CHD9: variants seen among roughly 807,000 people sequenced by gnomAD.
CHD9 encodes the protein ATP-dependent chromatin remodeler CHD9.
A neutral mutation model predicts 316.1 loss-of-function variants in CHD9; 77 were observed. The ratio of observed to expected loss-of-function variants is 0.24; its 90% CI spans 0.20 to 0.29. The LOEUF is 0.29. Ranked by LOEUF, CHD9 falls within the 10% of genes least tolerant of loss-of-function variation. CHD9 has a pLI of 1.00. For synonymous variants in CHD9, 1,129 were observed against 1,158.3 expected, an observed-to-expected ratio of 0.97 and a Z score of 0.51; for missense variants, 2,763 against 3,438.1, an observed-to-expected ratio of 0.80 and a Z score of 4.91.
chr16:53,156,505 C>T lies in CHD9; in HGVS notation c.416C>T (p.Ser139Phe). ...TATTISNQNG[S>F]PFHQQGHSHS... ...ACTACCATTTCAAATCAAAATGGAT[C>T]TCCTTTTCACCAACAAGGACATTCA... The change falls in exon 2 of 39, where the codon TCT (serine) becomes TTT (phenylalanine). Residue 139 changes from serine (S) to phenylalanine (F), a missense_variant. Coordinates refer to ENST00000447540, the MANE Select transcript of CHD9 (RefSeq NM_001308319.2). 1 of 1,613,902 alleles carries T rather than the reference C, an allele frequency of 6.2e-7. No individual in the cohort carries two copies. The highest frequency in any genetic ancestry group is 8.5e-7 in the Non-Finnish European group (1 of 1,179,820).
chr16:53,073,512 C>G (rs1387800918), intron 1 of CHD9, among the ~76,000 whole-genome samples: 1 of 152,166 alleles, frequency 6.6e-6, no homozygotes, highest in African/African-American at 2.4e-5. Flanking sequence ...AGTGGAACTG[C>G]TAGATCATAT....
intron 1 of CHD9, among the ~76,000 whole-genome samples, chr16:53,059,028 G>A (rs1321157572): frequency 6.6e-6 from 1 of 152,066 alleles, no homozygotes; most frequent in East Asian, 1.9e-4. Context: ...AATTTTTTAA[G>A]TAGGGTCTTA....
intron 2 of CHD9, among the ~76,000 whole-genome samples, chr16:53,165,520 A>T (rs1025058871): frequency 3.3e-5 from 5 of 152,186 alleles, no homozygotes; most frequent in Admixed American, 2.0e-4. Context: ...TTAGAACAAG[A>T]TGAAAATAAT....
At chr16:53,261,086 T>C (rs1195347376) in intron 19 of CHD9, among the ~76,000 whole-genome samples, 1 of 130,686 alleles carries the variant, frequency 7.7e-6, no homozygotes, top group African/African-American at 3.0e-5. Context: ...AGCTATAGTT[T>C]AGAGAAAGCA....
chr16:53,106,601 A>G (rs1203143835), intron 1 of CHD9, among the ~76,000 whole-genome samples: 1 of 152,190 alleles, frequency 6.6e-6, no homozygotes, highest in African/African-American at 2.4e-5. Flanking sequence ...GCTGAGAGGA[A>G]AAGAAAAAAG....
intron 3 of CHD9, among the ~76,000 whole-genome samples, chr16:53,214,047 G>A (rs1403812764): frequency 6.6e-6 from 1 of 152,122 alleles, no homozygotes; most frequent in Non-Finnish European, 1.5e-5. Flanking sequence ...GTCATGTTAT[G>A]AAGAAAAACA....
intron 1 of CHD9, among the ~76,000 whole-genome samples, chr16:53,057,220 T>C (rs959409645): frequency 3.9e-5 from 6 of 152,120 alleles, no homozygotes; most frequent in African/African-American, 1.4e-4. Flanking sequence ...CTCACACCTG[T>C]AATCCCAGCA....
At chr16:53,200,635 A>C (rs2045375762) in intron 2 of CHD9, among the ~76,000 whole-genome samples, 2 of 152,226 alleles carry the variant, frequency 1.3e-5, no homozygotes, top group African/African-American at 4.8e-5. Context: ...GGCAAATACC[A>C]CAGTAATGAT....
chr16:53,280,170 G>C (rs970350907), intron 24 of CHD9, among the ~76,000 whole-genome samples: 1 of 152,058 alleles, frequency 6.6e-6, no homozygotes, highest in Non-Finnish European at 1.5e-5. Flanking sequence ...CCCACTACTG[G>C]GTATTTACCC....
intron 2 of CHD9, among the ~76,000 whole-genome samples, chr16:53,202,519 G>A (rs1489183372): frequency 2.6e-5 from 4 of 151,608 alleles, no homozygotes. Context: ...TTGTCCTATG[G>A]AGTTTCCTAC....
At chr16:53,217,184 A>G (rs182780651) in intron 3 of CHD9, among the ~76,000 whole-genome samples, 1 of 152,214 alleles carries the variant, frequency 6.6e-6, no homozygotes, top group African/African-American at 2.4e-5. Context: ...TTTTTGTAAC[A>G]TACTGGCCAG....
intron 1 of CHD9, among the ~76,000 whole-genome samples, chr16:53,100,167 C>A (rs1265028687): frequency 6.6e-6 from 1 of 152,188 alleles, no homozygotes; most frequent in Non-Finnish European, 1.5e-5. Context: ...CTACATGACT[C>A]ACCCGGAGAA....
intron 1 of CHD9, among the ~76,000 whole-genome samples, chr16:53,139,081 G>A (rs2039915750): frequency 6.6e-6 from 1 of 152,052 alleles, no homozygotes; most frequent in African/African-American, 2.4e-5. Flanking sequence ...AAAGAGCCAT[G>A]TTTTCTTCTC....
intron 10 of CHD9, 143 bp downstream of exon 10, chr16:53,231,927 G>A (rs1217916364): frequency 1.3e-6 from 1 of 746,544 alleles, no homozygotes; most frequent in Non-Finnish European, 2.1e-6. Flanking sequence ...GGGAGCCAAA[G>A]CTTAAGAGGG....
chr16:53,308,609 TAAA>T (rs933914879), intron 33 of CHD9, 74 bp from the exon 34 acceptor site: 4 of 1,043,538 alleles, frequency 3.8e-6, no homozygotes, highest in Non-Finnish European at 5.7e-6. Flanking sequence ...TTTTCCTCAG[TAAA>T]AAAATTCTCT....
intron 1 of CHD9, among the ~76,000 whole-genome samples, chr16:53,108,347 C>G: frequency 7.6e-6 from 1 of 131,572 alleles, no homozygotes; most frequent in Non-Finnish European, 1.8e-5. Flanking sequence ...ACAAAAAATA[C>G]AAAAAAATTT....
chr16:53,275,206 T>C (rs189874804), intron 24 of CHD9, among the ~76,000 whole-genome samples: 1 of 152,118 alleles, frequency 6.6e-6, no homozygotes, highest in East Asian at 2.0e-4. Flanking sequence ...TTTTGTATTT[T>C]TAGTAGAGAC....
intron 1 of CHD9, among the ~76,000 whole-genome samples, chr16:53,079,804 G>A (rs2034861787): frequency 6.6e-6 from 1 of 152,192 alleles, no homozygotes; most frequent in African/African-American, 2.4e-5. Flanking sequence ...TAGGAAGGTG[G>A]TGCTCCCAGA....
chr16:53,099,532 TCCACCTTA>T (rs2036658671), intron 1 of CHD9, among the ~76,000 whole-genome samples: 1 of 152,054 alleles, frequency 6.6e-6, no homozygotes, highest in Non-Finnish European at 1.5e-5. Context: ...GGATTTGTGT[TCCACCTTA>T]GATAGGTCAC....
Sources: gnomAD v4.1 joint callset for allele counts (sites outside exome capture counted in the v4.1 genomes callset) on GRCh38, gnomAD v4.1.1 for gene constraint, MANE v1.5 for transcripts, NCBI Gene and HGNC (gene_info 2026-07-23, HGNC 2026-07-21) for gene names.